Variants in NCAM2 observed in about 807,000 individuals in gnomAD.
The protein encoded by NCAM2 is N-CAM-2.
A neutral mutation model predicts 98.1 loss-of-function variants in NCAM2; 30 were observed. The ratio of observed to expected loss-of-function variants is 0.31; its 90% CI spans 0.23 to 0.41. The LOEUF is 0.41. Among genes scored for constraint, NCAM2 ranks in the 10% least tolerant of loss-of-function variants. NCAM2 has a pLI of 1.00. For synonymous variants in NCAM2, 368 were observed against 342.4 expected (o/e 1.07, Z -0.83); for missense variants, 867 against 1,005.8 (o/e 0.86, Z 1.87).
intron 8 of NCAM2, among the ~76,000 whole-genome samples, chr21:21,365,782 T>C (rs1476095326): frequency 2.0e-5 from 3 of 151,918 alleles, no homozygotes; most frequent in Non-Finnish European, 4.4e-5. Flanking sequence ...ATACTGAAAA[T>C]GACCTTGGAC....
At chr21:21,489,331 T>C (rs1291155549) in intron 15 of NCAM2, among the ~76,000 whole-genome samples, 1 of 152,074 alleles carries the variant, frequency 6.6e-6, no homozygotes, top group African/African-American at 2.4e-5. Context: ...TTTTCTTTTA[T>C]CCTTTCTTAC....
intron 1 of NCAM2, among the ~76,000 whole-genome samples, chr21:21,097,016 T>C (rs143465859): frequency 0.017 from 2,548 of 151,834 alleles, 77 homozygotes; most frequent in African/African-American, 0.059. Context: ...TGATTTCAAT[T>C]TCACTTACAG....
At chr21:21,253,577 C>A (rs2071551277) in intron 1 of NCAM2, among the ~76,000 whole-genome samples, 1 of 152,088 alleles carries the variant, frequency 6.6e-6, no homozygotes, top group Non-Finnish European at 1.5e-5. Context: ...CTGTGAGAAT[C>A]TGGAATACCT....
chr21:21,407,139 A>G (rs2145898659), intron 9 of NCAM2, among the ~76,000 whole-genome samples: 1 of 152,306 alleles, frequency 6.6e-6, no homozygotes, highest in South Asian at 2.1e-4. Flanking sequence ...AGATGGTGCT[A>G]TGCAAGAGTC....
At chr21:21,319,921 A>T (rs2074330733) in intron 5 of NCAM2, among the ~76,000 whole-genome samples, 2 of 152,166 alleles carry the variant, frequency 1.3e-5, no homozygotes, top group African/African-American at 2.4e-5. Context: ...GATTCCTCTT[A>T]TATTAACTTT....
chr21:21,493,391 T>C (rs79763383), intron 15 of NCAM2, among the ~76,000 whole-genome samples: 6 of 152,038 alleles, frequency 3.9e-5, no homozygotes, highest in Middle Eastern at 3.4e-3. Context: ...AAATAGACTT[T>C]AGTTTTTCAA....
chr21:21,133,750 C>T (rs1432405932), intron 1 of NCAM2, among the ~76,000 whole-genome samples: 1 of 152,158 alleles, frequency 6.6e-6, no homozygotes, highest in Non-Finnish European at 1.5e-5. Flanking sequence ...GCTGCCTCGA[C>T]CCTGATCTGG....
At chr21:21,096,235 A>T (rs1251273059) in intron 1 of NCAM2, among the ~76,000 whole-genome samples, 1 of 151,596 alleles carries the variant, frequency 6.6e-6, no homozygotes, top group Non-Finnish European at 1.5e-5. Flanking sequence ...AATGCTATAT[A>T]TATATTTTTT....
intron 16 of NCAM2, among the ~76,000 whole-genome samples, chr21:21,527,785 T>C (rs1176159228): frequency 2.6e-5 from 4 of 152,198 alleles, no homozygotes; most frequent in Admixed American, 6.5e-5. Context: ...GAAGACAATT[T>C]AGCAGCTTCT....
At chr21:21,221,346 A>G (rs1220460536) in intron 1 of NCAM2, among the ~76,000 whole-genome samples, 1 of 678 alleles carries the variant, frequency 1.5e-3, no homozygotes, top group Non-Finnish European at 2.5e-3. Context: ...AACAAAATAC[A>G]GAAGTGATTC....
intron 5 of NCAM2, among the ~76,000 whole-genome samples, chr21:21,308,021 G>A (rs1020396886): frequency 3.3e-5 from 5 of 151,416 alleles, no homozygotes; most frequent in Non-Finnish European, 7.4e-5. Context: ...TGACATCTTT[G>A]GGAAGAGACA....
chr21:21,099,873 C>G (rs2066204629), intron 1 of NCAM2, among the ~76,000 whole-genome samples: 1 of 151,586 alleles, frequency 6.6e-6, no homozygotes, highest in Non-Finnish European at 1.5e-5. Flanking sequence ...ACTGACCGTA[C>G]CTTACTCATG....
At chr21:21,438,979 A>G (rs59154959) in intron 12 of NCAM2, among the ~76,000 whole-genome samples, 3,977 of 152,204 alleles carry the variant, frequency 0.026, 177 homozygotes, top group African/African-American at 0.091. Flanking sequence ...TCAGCTACTC[A>G]GGAGGCTGAG....
chr21:21,386,760 G>A lies in NCAM2; in HGVS notation c.1195+12747G>A, dbSNP rs1406953737. Among the ~76,000 whole-genome samples the A allele has an allele frequency of 5.6e-5, 8 of 141,730 alleles. No homozygotes were observed. In the East Asian group the frequency reaches 1.6e-3, roughly 28 times the overall value. The allele number at this position is 141,730 out of a possible 152,430, so 93.0% of individuals were successfully genotyped here. On this transcript the variant is annotated intron_variant, in intron 9 of 17. Coordinates refer to ENST00000400546, the MANE Select transcript of NCAM2 (RefSeq NM_004540.5). Reference sequence around the variant, plus strand: ...TGTTAAAATGTATTTCAGAGATAATGGTAAGAAAATTTTTAAGGAACTTTA... The same window carrying A: ...TGTTAAAATGTATTTCAGAGATAATAGTAAGAAAATTTTTAAGGAACTTTA...
chr21:21,171,203 A>C (rs1251722813), intron 1 of NCAM2, among the ~76,000 whole-genome samples: 1 of 152,196 alleles, frequency 6.6e-6, no homozygotes, highest in African/African-American at 2.4e-5. Flanking sequence ...GGGTATGACA[A>C]GGACTTGTAG....
At chr21:21,145,030 T>C (rs1336970700) in intron 1 of NCAM2, among the ~76,000 whole-genome samples, 2 of 152,142 alleles carry the variant, frequency 1.3e-5, no homozygotes, top group Admixed American at 6.5e-5. Context: ...TCAAGCAATA[T>C]TACTTTATAC....
At chr21:21,248,665 T>C (rs1601760058) in intron 1 of NCAM2, among the ~76,000 whole-genome samples, 1 of 151,268 alleles carries the variant, frequency 6.6e-6, no homozygotes, top group African/African-American at 2.4e-5. Flanking sequence ...TAGTCCCAGC[T>C]ACTAGTGAGG....
At chr21:21,474,192 G>C (rs1483550508) in intron 14 of NCAM2, among the ~76,000 whole-genome samples, 1 of 151,912 alleles carries the variant, frequency 6.6e-6, no homozygotes, top group East Asian at 1.9e-4. Context: ...TATTCCCTAG[G>C]AATAGCAATT....
intron 15 of NCAM2, among the ~76,000 whole-genome samples, chr21:21,480,816 A>G (rs1413621429): frequency 6.6e-6 from 1 of 152,238 alleles, no homozygotes; most frequent in East Asian, 1.9e-4. Flanking sequence ...CCTTTGCAAT[A>G]GATTGGATTC....
Sources: gnomAD v4.1 joint callset for allele counts (sites outside exome capture counted in the v4.1 genomes callset) on GRCh38, gnomAD v4.1.1 for gene constraint, MANE v1.5 for transcripts, NCBI Gene and HGNC (gene_info 2026-07-23, HGNC 2026-07-21) for gene names.